Variants in MAPK1IP1L observed in about 807,000 individuals in gnomAD.
MAPK1IP1L encodes the protein mitogen-activated protein kinase 1 interacting protein 1 like.
Under a neutral mutation model 18.1 loss-of-function variants are expected in MAPK1IP1L, and 10 were observed. The observed-to-expected ratio is 0.55, with a 90% CI of 0.34 to 0.94. MAPK1IP1L has a LOEUF of 0.94. MAPK1IP1L is among the 40% of genes least tolerant of loss of function. MAPK1IP1L has a pLI of 0.02. For synonymous variants in MAPK1IP1L, 115 were observed against 117.3 expected (o/e 0.98, Z 0.13); for missense variants, 260 against 318.2 (o/e 0.82, Z 1.39).
In MAPK1IP1L at chr14:55,066,265, A is replaced by G. The variant is rs563507202; in HGVS notation, c.*1638A>G. The G allele has an allele frequency of 6.6e-6, 1 of 152,336 alleles. No individual in the cohort carries two copies. The highest frequency in any genetic ancestry group is 6.5e-5 in the Admixed American group (1 of 15,308). 9.4% of individuals were successfully genotyped at this position (152,336 alleles called of 1,614,324 possible). ...AGCTACCTCCTTCTAAGAAAGCAAA[A>G]TGGTTACCTTTGAGAGGAACATTCA... On this transcript the variant is annotated 3_prime_UTR_variant, in exon 4 of 4. Coordinates refer to ENST00000395468, the MANE Select transcript of MAPK1IP1L (RefSeq NM_144578.4).
chr14:55,058,991 A>G (rs906810379), intron 1 of MAPK1IP1L, among the ~76,000 whole-genome samples: 1 of 151,994 alleles, frequency 6.6e-6, no homozygotes, highest in Non-Finnish European at 1.5e-5. Context: ...ACACCATTTT[A>G]TATCAGGTAC....
At position 55,063,060 on chromosome 14, in the gene MAPK1IP1L, C is replaced by T. The variant is rs550229007; in HGVS notation, c.461C>T (p.Ala154Val). 8.7e-6 allele frequency: 14 copies of T among 1,613,676 alleles called. No homozygotes were observed. The highest frequency in any genetic ancestry group is 2.2e-5 in the South Asian group (2 of 91,076). The part of the protein sequence containing the change: ...PWGSMSSGPW[A>V]PGMGGQYPTP... The stretch of plus-strand genomic sequence containing the variant: ...GGATCCATGTCTTCTGGACCTTGGG[C>T]GCCAGGAATGGGAGGGCAGTATCCT... Residue 154 changes from alanine (A) to valine (V), a missense_variant, in exon 3 of 4, where the codon GCG (alanine) becomes GTG (valine). Coordinates refer to ENST00000395468, the MANE Select transcript of MAPK1IP1L (RefSeq NM_144578.4).
chr14:55,060,032 C>A (rs1239604818), intron 1 of MAPK1IP1L, among the ~76,000 whole-genome samples: 2 of 151,858 alleles, frequency 1.3e-5, no homozygotes, highest in Admixed American at 1.3e-4. Context: ...GTAAATATAT[C>A]ACAAAATCCA....
chr14:55,060,154 A>ATTTTTTTTTTTTTTTTTTTTTT, intron 1 of MAPK1IP1L, among the ~76,000 whole-genome samples: 1 of 63,892 alleles, frequency 1.6e-5, no homozygotes, highest in Non-Finnish European at 2.7e-5. Flanking sequence ...TTTTGGAGAA[A>ATTTTTTTTTTTTTTTTTTTTTT]TTTTTTTTTT....
At position 55,062,746 on chromosome 14, in the gene MAPK1IP1L, G is replaced by A; in HGVS notation, c.147G>A (p.Val49=). The A allele has an allele frequency of 6.2e-7, 1 of 1,614,106 alleles. No homozygotes were observed. Among genetic ancestry groups the A allele is most frequent in the South Asian group, 1.1e-5 (1 of 91,084 alleles). ...ATAATCCGAGTGCTCCATCTTCAGT[G>A]CCATCTGGACTCCCACCAAGTGCAA... is the stretch of plus-strand genomic sequence containing the variant. The part of the protein sequence containing the change: ...PWNNPSAPSS[V]PSGLPPSATP... The change falls in exon 3 of 4, where the codon GTG becomes GTA. Residue 49 remains valine, a synonymous_variant. Coordinates refer to ENST00000395468, the MANE Select transcript of MAPK1IP1L (RefSeq NM_144578.4).
At chr14:55,056,554 G>A (rs1317717010) in intron 1 of MAPK1IP1L, among the ~76,000 whole-genome samples, 1 of 152,178 alleles carries the variant, frequency 6.6e-6, no homozygotes, top group Admixed American at 6.5e-5. Context: ...CTGTCACCCA[G>A]GCTGGAGTGC....
At position 55,062,745 on chromosome 14, in the gene MAPK1IP1L, T is replaced by C. The variant is rs763442526; in HGVS notation, c.146T>C (p.Val49Ala). 6.2e-7 allele frequency: 1 copy of C among 1,614,084 alleles called. No homozygotes were observed. The highest frequency in any genetic ancestry group is 8.5e-7 in the Non-Finnish European group (1 of 1,179,986). The part of the protein sequence containing the change: ...PWNNPSAPSS[V>A]PSGLPPSATP... ...AATAATCCGAGTGCTCCATCTTCAG[T>C]GCCATCTGGACTCCCACCAAGTGCA... Residue 49 changes from valine to alanine, a missense_variant, in exon 3 of 4, where the codon GTG becomes GCG. Physicochemically the swap from Val to Ala is moderately conservative, Grantham distance 64 (BLOSUM62 0). Coordinates refer to ENST00000395468, the MANE Select transcript of MAPK1IP1L (RefSeq NM_144578.4).
At chr14:55,062,309 TGTTA>T (rs2042824053) in intron 2 of MAPK1IP1L, among the ~76,000 whole-genome samples, 2 of 152,354 alleles carry the variant, frequency 1.3e-5, no homozygotes, top group East Asian at 1.9e-4. Context: ...ATATCTTGAC[TGTTA>T]GTTCTATCTT....
Position 55,051,820 on chromosome 14 carries a change from AC to A in MAPK1IP1L, c.-5+18del, listed in dbSNP as rs1294997495. The A allele has an allele frequency of 2.1e-6, 1 of 484,174 alleles. No homozygotes were observed. The highest frequency in any genetic ancestry group is 4.2e-6 in the Non-Finnish European group (1 of 238,734). 30.0% of individuals were successfully genotyped at this position (484,174 alleles called of 1,614,324 possible). On this transcript the variant is annotated intron_variant, in intron 1 of 3. Coordinates refer to ENST00000395468, the MANE Select transcript of MAPK1IP1L (RefSeq NM_144578.4). The stretch of plus-strand genomic sequence containing the variant: ...TATTGCCGGGTGAGGCTGCTTCGGT[AC>A]TAGTGGGAGTCGTGAAGGGGAATCG...
chr14:55,057,501 G>A (rs1421188682), intron 1 of MAPK1IP1L, among the ~76,000 whole-genome samples: 1 of 152,212 alleles, frequency 6.6e-6, no homozygotes, highest in African/African-American at 2.4e-5. Context: ...GCTCACGCCT[G>A]TAATCCCAGC....
At chr14:55,064,033 T>TTG (rs1348655243) in intron 3 of MAPK1IP1L, 2 of 111,356 alleles carry the variant, frequency 1.8e-5, no homozygotes, top group African/African-American at 8.2e-5. Context: ...TTTTTTTTTT[T>TTG]GAGACAGTCT....
At chr14:55,059,600 T>TA (rs1161179056) in intron 1 of MAPK1IP1L, among the ~76,000 whole-genome samples, 2 of 152,156 alleles carry the variant, frequency 1.3e-5, no homozygotes, top group Admixed American at 6.5e-5. Context: ...AAGTCCACAA[T>TA]ATCTGTGGGA....
In MAPK1IP1L at chr14:55,064,804, A is replaced by G. The variant is rs2042849759; in HGVS notation, c.*177A>G. On this transcript the variant is annotated 3_prime_UTR_variant, in exon 4 of 4. Transcript: ENST00000395468. ...CTTGGATGCGTAGTACATCATATGT[A>G]TACAATCAGATAAAAGCATAGAAGT... The G allele has an allele frequency of 2.0e-6, 1 of 512,720 alleles. No homozygotes were observed. The highest frequency in any genetic ancestry group is 3.5e-6 in the Non-Finnish European group (1 of 283,336). 31.8% of individuals were successfully genotyped at this position (512,720 alleles called of 1,614,324 possible).
chr14:55,063,221 C>G lies in MAPK1IP1L; in HGVS notation c.622C>G (p.Pro208Ala), dbSNP rs755313863. The G allele has an allele frequency of 5.0e-6, 8 of 1,614,162 alleles. 1 individual carries two copies. The South Asian group carries it at 7.7e-5, about 16-fold the overall frequency. Residue 208 changes from proline to alanine, a missense_variant, in exon 3 of 4, where the codon CCT becomes GCT. By Grantham distance (27) the Pro-to-Ala change is conservative. Transcript: ENST00000395468. ...AWGPPAPYPA[P>A]TGSYPTPGLY... ...GGGACCACCAGCACCATATCCTGCC[C>G]CTACAGGATCGTATCCCACACCAGG...
At chr14:55,058,289 A>G (rs1221721503) in intron 1 of MAPK1IP1L, among the ~76,000 whole-genome samples, 1 of 152,264 alleles carries the variant, frequency 6.6e-6, no homozygotes, top group Non-Finnish European at 1.5e-5. Flanking sequence ...CATCAACATT[A>G]TAACAAAACA....
At chr14:55,052,014 G>A (rs926408329) in intron 1 of MAPK1IP1L, among the ~76,000 whole-genome samples, 1 of 152,066 alleles carries the variant, frequency 6.6e-6, no homozygotes, top group Admixed American at 6.5e-5. Flanking sequence ...CCTGGGGATC[G>A]CCCCCCAGGG....
Position 55,069,623 on chromosome 14 carries a change from A to T in MAPK1IP1L, c.*4996A>T, listed in dbSNP as rs1304742734. 6.6e-6 allele frequency: 1 copy of T among 152,296 alleles called. No homozygotes were observed. Among genetic ancestry groups the T allele is most frequent in the East Asian group, 1.9e-4 (1 of 5,190 alleles). 9.4% of individuals were successfully genotyped at this position (152,296 alleles called of 1,614,324 possible). On this transcript the variant is annotated 3_prime_UTR_variant, in exon 4 of 4. Coordinates refer to ENST00000395468, the MANE Select transcript of MAPK1IP1L (RefSeq NM_144578.4). The stretch of plus-strand genomic sequence containing the variant: ...CAAGTCCAGAGCCTAATTAACTGTA[A>T]ATTTGTTGTCAAAAAGGAAGAAAAA...
At chr14:55,055,304 C>G (rs1223597245) in intron 1 of MAPK1IP1L, among the ~76,000 whole-genome samples, 1 of 152,130 alleles carries the variant, frequency 6.6e-6, no homozygotes, top group African/African-American at 2.4e-5. Context: ...TTTTTATGTT[C>G]TGCAACTCTC....
chr14:55,061,731 T>A, intron 2 of MAPK1IP1L, 30 bp downstream of exon 2: 1 of 1,525,600 alleles, frequency 6.6e-7, no homozygotes, highest in Non-Finnish European at 8.9e-7. Context: ...TGTGATAAGT[T>A]TTTCATCTCT....
Sources: allele counts gnomAD v4.1 joint callset (sites outside exome capture counted in the v4.1 genomes callset), GRCh38; gene constraint gnomAD v4.1.1; transcripts MANE v1.5; gene names NCBI Gene and HGNC (gene_info 2026-07-23, HGNC 2026-07-21).